Variants in BEND2 observed in about 807,000 individuals in gnomAD.
The protein encoded by BEND2 is BEN domain containing 2.
BEND2 carries 19 observed loss-of-function variants against 43.8 expected under a neutral mutation model. The observed-to-expected ratio is 0.43, with a 90% CI of 0.30 to 0.64. The LOEUF (loss-of-function observed/expected upper bound fraction) is 0.64. Ranked by LOEUF, BEND2 falls within the 30% of genes least tolerant of loss-of-function variation. The pLI, the probability that BEND2 is intolerant of heterozygous loss-of-function variation, is 0.11. For missense variants in BEND2, 544 were observed against 574.0 expected, an observed-to-expected ratio of 0.95 and a Z score of 0.53; for synonymous variants, 226 against 210.1, an observed-to-expected ratio of 1.08 and a Z score of -0.66.
At chrX:18,177,855 A>G (rs1036740978) in intron 9 of BEND2, 86 bp from the exon 10 acceptor site, 7 of 814,566 alleles carry the variant, frequency 8.6e-6, no homozygotes, top group Non-Finnish European at 1.2e-5. Flanking sequence ...ACACTGATTT[A>G]TTTCTTCTTT....
intron 7 of BEND2, 29 bp from the exon 8 acceptor site, chrX:18,191,137 A>T: frequency 9.1e-7 from 1 of 1,097,533 alleles, no homozygotes. Flanking sequence ...CAATATGTAA[A>T]ACATTTTGCA....
At chrX:18,176,928 G>A (rs897061684) in intron 10 of BEND2, among the ~76,000 whole-genome samples, 1 of 110,289 alleles carries the variant, frequency 9.1e-6, no homozygotes, top group Non-Finnish European at 1.9e-5. Flanking sequence ...CAAATGTCCT[G>A]TCCTTAGCTA....
intron 10 of BEND2, among the ~76,000 whole-genome samples, chrX:18,176,955 C>G (rs1216746114): frequency 1.8e-5 from 2 of 110,402 alleles, no homozygotes; most frequent in Non-Finnish European, 3.8e-5. Flanking sequence ...CCCCAACTCC[C>G]TCAAAGCAGC....
At position 18,164,850 on chromosome X, in the gene BEND2, T is replaced by C. The variant is rs188675077; in HGVS notation, c.*159A>G. On this transcript the variant is annotated 3_prime_UTR_variant, in exon 14 of 14. Transcript: ENST00000380033. ...ATTACGTATCTTCCTAATGTGATTCTACCTCCTTTATGAGCAGAAAAAGAG... is the reference window on the plus strand; with the variant it reads ...ATTACGTATCTTCCTAATGTGATTCCACCTCCTTTATGAGCAGAAAAAGAG... 5.4e-5 allele frequency: 27 copies of C among 498,829 alleles called. No homozygotes were observed. In the Admixed American group the frequency reaches 1.0e-3, roughly 19 times the overall value. 41.1% of individuals were successfully genotyped at this position (498,829 alleles called of 1,213,427 possible).
intron 2 of BEND2, among the ~76,000 whole-genome samples, chrX:18,214,473 A>G (rs1303941702): frequency 9.0e-6 from 1 of 110,976 alleles, no homozygotes; most frequent in Non-Finnish European, 1.9e-5. Flanking sequence ...TTTGAAATTT[A>G]TTTAAGCTGT....
chrX:18,205,738 G>C (rs1409073191), intron 4 of BEND2, among the ~76,000 whole-genome samples: 2 of 109,544 alleles, frequency 1.8e-5, no homozygotes, highest in Non-Finnish European at 3.8e-5. Flanking sequence ...GGTTTGCAAA[G>C]TGGTCCACAA....
chrX:18,199,634 G>GTTT (rs35383419), intron 6 of BEND2, among the ~76,000 whole-genome samples: 58 of 104,516 alleles, frequency 5.5e-4, no homozygotes, highest in Middle Eastern at 4.9e-3. Flanking sequence ...AAAAAGCCTA[G>GTTT]TTTTTTTTTT....
intron 5 of BEND2, among the ~76,000 whole-genome samples, chrX:18,203,248 A>G (rs1431688626): frequency 9.1e-6 from 1 of 110,444 alleles, no homozygotes; most frequent in Admixed American, 9.8e-5. Context: ...ATCTGATAAA[A>G]TTGTTTTAAA....
intron 9 of BEND2, among the ~76,000 whole-genome samples, chrX:18,178,371 G>C (rs779211106): frequency 3.6e-5 from 4 of 111,207 alleles, no homozygotes; most frequent in South Asian, 7.7e-4. Flanking sequence ...CAAATAAGGA[G>C]ACTGAGGCCC....
intron 2 of BEND2, among the ~76,000 whole-genome samples, chrX:18,214,810 CAAAAAAAA>C (rs58814498): frequency 2.8e-5 from 1 of 35,450 alleles, no homozygotes; most frequent in Non-Finnish European, 4.5e-5. Context: ...GACTCTGTCT[CAAAAAAAA>C]AAAAAAAAAA....
chrX:18,219,862 C>T (rs1354902310), intron 1 of BEND2, among the ~76,000 whole-genome samples: 1 of 111,774 alleles, frequency 8.9e-6, no homozygotes, highest in African/African-American at 3.3e-5. Flanking sequence ...GCCGACATGG[C>T]GCCCCTGCAC....
chrX:18,220,652 AG>A lies in BEND2; in HGVS notation c.25+73del. ...CCTGCCGCCCCTGAATGGCCACCTAAGTGGGTGCCATCCAGACTCTTGACAG... is the reference window on the plus strand; with the variant it reads ...CCTGCCGCCCCTGAATGGCCACCTAATGGGTGCCATCCAGACTCTTGACAG... On this transcript the variant is annotated intron_variant, in intron 1 of 13. Transcript: ENST00000380033. 5 of 1,181,943 alleles carry A rather than the reference AG, an allele frequency of 4.2e-6. No individual in the cohort carries two copies. The South Asian group carries it at 8.9e-5, about 21-fold the overall frequency.
At chrX:18,182,961 G>C (rs769073044) in intron 8 of BEND2, among the ~76,000 whole-genome samples, 17 of 99,881 alleles carry the variant, frequency 1.7e-4, no homozygotes, top group African/African-American at 6.3e-4. Context: ...AGAATCACTT[G>C]AACCCAGAAG....
intron 1 of BEND2, among the ~76,000 whole-genome samples, chrX:18,218,117 G>A (rs951477040): frequency 9.2e-6 from 1 of 108,986 alleles, no homozygotes; most frequent in Non-Finnish European, 1.9e-5. Context: ...AAAAAAGAAA[G>A]AAAGAACAAG....
chrX:18,184,178 T>C (rs1924493658), intron 8 of BEND2, among the ~76,000 whole-genome samples: 1 of 111,300 alleles, frequency 9.0e-6, no homozygotes, highest in Non-Finnish European at 1.9e-5. Flanking sequence ...GACTCCTTTG[T>C]TTGGGGGGAC....
chrX:18,177,890 T>C lies in BEND2; in HGVS notation c.1430-121A>G. On this transcript the variant is annotated intron_variant, in intron 9 of 13. Transcript: ENST00000380033. ...TTTCTTCAAATAAGGCAAATGCAGA[T>C]AAATGATTTCTAATTCATGAATTTC... is the stretch of plus-strand genomic sequence containing the variant. 1.7e-5 allele frequency: 11 copies of C among 658,025 alleles called. No homozygotes were observed. In the South Asian group the frequency reaches 1.8e-4, roughly 10 times the overall value. 54.2% of individuals were successfully genotyped at this position (658,025 alleles called of 1,213,427 possible).
chrX:18,188,645 A>G (rs1027785494), intron 8 of BEND2, among the ~76,000 whole-genome samples: 4 of 111,922 alleles, frequency 3.6e-5, no homozygotes, highest in African/African-American at 1.3e-4. Flanking sequence ...GAATTCTCCC[A>G]GTAAAGAAAA....
At chrX:18,198,625 C>A (rs761218797) in intron 6 of BEND2, among the ~76,000 whole-genome samples, 65 of 111,391 alleles carry the variant, frequency 5.8e-4, no homozygotes, top group Non-Finnish European at 9.8e-4. Context: ...TAGTTCAACC[C>A]TTGTGGAAGT....
chrX:18,201,328 G>A (rs1221467751), intron 6 of BEND2, among the ~76,000 whole-genome samples: 1 of 94,878 alleles, frequency 1.1e-5, no homozygotes, highest in Non-Finnish European at 2.1e-5. Flanking sequence ...CCCAGGAGGC[G>A]GAGGTTGCAG....
Sources: gnomAD v4.1 joint callset for allele counts (sites outside exome capture counted in the v4.1 genomes callset) on GRCh38, gnomAD v4.1.1 for gene constraint, MANE v1.5 for transcripts, NCBI Gene and HGNC (gene_info 2026-07-23, HGNC 2026-07-21) for gene names.